LPP: variants seen among roughly 807,000 people sequenced by gnomAD.
LPP encodes LIM domain containing preferred translocation partner in lipoma.
A neutral mutation model predicts 60.4 loss-of-function variants in LPP; 38 were observed. The ratio of observed to expected loss-of-function variants is 0.63; its 90% confidence interval spans 0.49 to 0.83. The LOEUF (loss-of-function observed/expected upper bound fraction) is 0.83. Among genes scored for constraint, LPP ranks in the 40% least tolerant of loss-of-function variants. The pLI, the probability that LPP is intolerant of heterozygous loss-of-function variation, is 0.00. For synonymous variants in LPP, 328 were observed against 290.8 expected, an observed-to-expected ratio of 1.13 and a Z score of -1.30; for missense variants, 902 against 783.6, an observed-to-expected ratio of 1.15 and a Z score of -1.80.
intron 2 of LPP, among the ~76,000 whole-genome samples, chr3:188,231,017 C>T (rs200338740): frequency 1.3e-5 from 2 of 152,126 alleles, no homozygotes; most frequent in Non-Finnish European, 2.9e-5. Context: ...AGTTTCTTGC[C>T]GTGTAGGGCT....
chr3:188,524,432 T>G (rs912857403), intron 5 of LPP, among the ~76,000 whole-genome samples: 24 of 152,214 alleles, frequency 1.6e-4, no homozygotes. Context: ...ACAAAACTGC[T>G]AAATAAGTGT....
rs1201739747 is a variant in LPP, at chr3:188,609,158, T to A, written c.430-3T>A. 3 of 1,572,496 alleles carry A rather than the reference T, an allele frequency of 1.9e-6. No individual in the cohort carries two copies. The South Asian group carries it at 3.5e-5, about 18-fold the overall frequency. On this transcript the variant is annotated splice_polypyrimidine_tract_variant and splice_region_variant and intron_variant, in intron 6 of 11. Transcript: ENST00000617246. The surrounding 1 kb of genome is among the most constrained non-coding windows in gnomAD (Gnocchi z 6.9). The stretch of plus-strand genomic sequence containing the variant: ...TCTTTCTTTTTTTTCCTATTCTTTT[T>A]AGAGCTCCACTGGTTCAACAGCCTC...
rs755825030 is a variant in LPP at position 188,609,525 on chromosome 3, C to T, written c.794C>T (p.Pro265Leu). The T allele has an allele frequency of 3.1e-6, 5 of 1,613,972 alleles. No individual in the cohort carries two copies. Among genetic ancestry groups the T allele is most frequent in the South Asian group, 1.1e-5 (1 of 91,084 alleles). ...PVPVSGQCPP[P>L]STRGGMDYAY... ...CCTGTCTCTGGGCAGTGTCCACCTC[C>T]TTCAACACGGGGAGGCATGGATTAT... Residue 265 changes from proline to leucine, a missense_variant, in exon 7 of 12, where the codon CCT (proline) becomes CTT (leucine). Coordinates refer to ENST00000617246, the MANE Select transcript of LPP (RefSeq NM_001375462.1). The surrounding 1 kb of genome is among the most constrained non-coding windows in gnomAD (Gnocchi z 6.9).
chr3:188,623,046 AAGAG>A (rs1407934429), intron 7 of LPP, among the ~76,000 whole-genome samples: 1 of 49,686 alleles, frequency 2.0e-5, no homozygotes, highest in Non-Finnish European at 4.2e-5. Flanking sequence ...AAAAAAAAAA[AAGAG>A]AGAGCTAACA....
rs1010170992 is a variant in LPP, at chr3:188,475,003, A to C, written c.194-9589A>C. On this transcript the variant is annotated intron_variant, in intron 4 of 11. Transcript: ENST00000617246. ...AGAGCTAGACTATTGTCTTAATTTC[A>C]TACGATTTGAAATCCATTTAATGTT... Among the ~76,000 whole-genome samples, 3 of 152,354 alleles carry C rather than the reference A, an allele frequency of 2.0e-5. No individual in the cohort carries two copies. The South Asian group carries it at 6.2e-4, about 32-fold the overall frequency.
intron 3 of LPP, among the ~76,000 whole-genome samples, chr3:188,394,085 G>C (rs1167551795): frequency 6.6e-6 from 1 of 152,158 alleles, no homozygotes; most frequent in Non-Finnish European, 1.5e-5. Flanking sequence ...AAAGCTACTG[G>C]TTTGAGACTT....
At chr3:188,199,671 A>G (rs1029080495) in intron 1 of LPP, among the ~76,000 whole-genome samples, 1 of 151,968 alleles carries the variant, frequency 6.6e-6, no homozygotes, top group African/African-American at 2.4e-5. Flanking sequence ...TGCTGATTAC[A>G]TCGACTGCTT....
At chr3:188,684,460 A>G (rs1369838852) in intron 7 of LPP, among the ~76,000 whole-genome samples, 1 of 152,190 alleles carries the variant, frequency 6.6e-6, no homozygotes, top group Non-Finnish European at 1.5e-5. Context: ...AAGTTCTTCC[A>G]TGTTCCAAAG....
intron 2 of LPP, among the ~76,000 whole-genome samples, chr3:188,319,641 A>G (rs561401820): frequency 4.5e-4 from 69 of 152,336 alleles, no homozygotes; most frequent in Non-Finnish European, 7.5e-4. Context: ...TCATTCCCCA[A>G]TAATGTTTGT....
chr3:188,393,260 C>T (rs900947376), intron 3 of LPP, among the ~76,000 whole-genome samples: 1 of 152,054 alleles, frequency 6.6e-6, no homozygotes, highest in Non-Finnish European at 1.5e-5. Context: ...ATAATAGTTT[C>T]TGCTAGGTTT....
At chr3:188,178,583 G>T (rs546323997) in intron 1 of LPP, 4 of 152,296 alleles carry the variant, frequency 2.6e-5, no homozygotes, top group African/African-American at 9.6e-5. Context: ...TACCTTTATG[G>T]TTCTCTTAAC....
chr3:188,371,208 A>G (rs528185004), intron 3 of LPP, among the ~76,000 whole-genome samples: 1 of 152,332 alleles, frequency 6.6e-6, no homozygotes, highest in Admixed American at 6.5e-5. Flanking sequence ...CCATTAACCT[A>G]TCATGAATAG....
chr3:188,385,545 GACTGT>G (rs1778048723), intron 3 of LPP, among the ~76,000 whole-genome samples: 2 of 151,780 alleles, frequency 1.3e-5, no homozygotes, highest in African/African-American at 4.9e-5. Context: ...AGAGAATGAG[GACTGT>G]ACTTAGGTTC....
At chr3:188,313,230 G>A (rs1168145737) in intron 2 of LPP, among the ~76,000 whole-genome samples, 1 of 151,896 alleles carries the variant, frequency 6.6e-6, no homozygotes, top group East Asian at 1.9e-4. Flanking sequence ...AATTATTGTA[G>A]CTTTATAATA....
At chr3:188,464,501 A>G (rs1008313596) in intron 4 of LPP, among the ~76,000 whole-genome samples, 1 of 152,166 alleles carries the variant, frequency 6.6e-6, no homozygotes, top group Non-Finnish European at 1.5e-5. Context: ...TGATTCTACA[A>G]ATGGAAGATT....
rs189241535 is a variant in LPP, at chr3:188,401,842, A to T, written c.-9-4270A>T. ...GATGCTGTGGGATTGTACTATAAGG[A>T]TGTATAACTTGAACTGTAGAATATA... On this transcript the variant is annotated intron_variant, in intron 3 of 11. Transcript: ENST00000617246. Among the ~76,000 whole-genome samples the T allele has an allele frequency of 3.9e-5, 6 of 152,322 alleles. No individual in the cohort carries two copies. In the East Asian group the frequency reaches 5.8e-4, roughly 15 times the overall value.
intron 1 of LPP, among the ~76,000 whole-genome samples, chr3:188,224,582 TC>T (rs1427047622): frequency 6.6e-6 from 1 of 152,012 alleles, no homozygotes; most frequent in Non-Finnish European, 1.5e-5. Context: ...TGTAATTGGG[TC>T]ATGGTTCTGC....
At chr3:188,811,628 G>A (rs1369700778) in intron 9 of LPP, among the ~76,000 whole-genome samples, 2 of 152,008 alleles carry the variant, frequency 1.3e-5, no homozygotes, top group Admixed American at 1.3e-4. Context: ...CATTTATTAA[G>A]GACAGACCCT....
intron 2 of LPP, among the ~76,000 whole-genome samples, chr3:188,281,038 G>A (rs1337409178): frequency 6.6e-6 from 1 of 151,296 alleles, no homozygotes; most frequent in African/African-American, 2.4e-5. Context: ...GGGCTCAAGC[G>A]ATTCTCCTGC....
Sources: gnomAD v4.1 joint callset for allele counts (sites outside exome capture counted in the v4.1 genomes callset) on GRCh38, gnomAD v4.1.1 for gene constraint, Gnocchi (gnomAD v3.1) non-coding constraint, MANE v1.5 for transcripts, NCBI Gene and HGNC (gene_info 2026-07-23, HGNC 2026-07-21) for gene names.